The following SLIT3 variants were observed in gnomAD, a reference collection of about 807,000 sequenced individuals.
The protein encoded by SLIT3 is slit homolog 3 protein.
SLIT3 carries 68 observed loss-of-function variants against 184.0 expected under a neutral mutation model. That is an observed-to-expected ratio of 0.37 (90% CI 0.30 to 0.45). The LOEUF (loss-of-function observed/expected upper bound fraction) is 0.45, where lower values mean the gene tolerates loss of function less well. Among genes scored for constraint, SLIT3 ranks in the 20% least tolerant of loss-of-function variants. The pLI, the probability that SLIT3 is intolerant of heterozygous loss-of-function variation, is 1.00. For synonymous variants in SLIT3, 831 were observed against 828.6 expected (o/e 1.00, Z -0.05); for missense variants, 1,707 against 2,026.0 (o/e 0.84, Z 3.02).
chr5:169,033,983 T>G (rs1455435921), intron 4 of SLIT3, among the ~76,000 whole-genome samples: 5 of 152,142 alleles, frequency 3.3e-5, no homozygotes, highest in Admixed American at 6.5e-5. Context: ...CGGCTAATTT[T>G]TTGTATTTTT....
intron 5 of SLIT3, among the ~76,000 whole-genome samples, chr5:168,860,906 C>A (rs1414473359): frequency 1.3e-5 from 2 of 152,158 alleles, no homozygotes; most frequent in African/African-American, 2.4e-5. Flanking sequence ...CCCCTGCGGC[C>A]CTGCATGACA....
At chr5:169,101,907 T>C (rs1760033955) in intron 4 of SLIT3, among the ~76,000 whole-genome samples, 1 of 152,202 alleles carries the variant, frequency 6.6e-6, no homozygotes, top group South Asian at 2.1e-4. Flanking sequence ...TTCAGTGGGC[T>C]TTTTAAACAT....
At chr5:168,723,291 G>T (rs1317623177) in intron 21 of SLIT3, among the ~76,000 whole-genome samples, 1 of 149,704 alleles carries the variant, frequency 6.7e-6, no homozygotes, top group African/African-American at 2.5e-5. Context: ...ATCCCAGGCA[G>T]TCACCTGCCT....
At chr5:169,170,658 G>A (rs866670130) in intron 4 of SLIT3, among the ~76,000 whole-genome samples, 11 of 152,234 alleles carry the variant, frequency 7.2e-5, no homozygotes, top group East Asian at 5.8e-4. Context: ...CCACCAGAGC[G>A]CCCAATTTGG....
chr5:168,944,728 C>A (rs1052468721), intron 4 of SLIT3, among the ~76,000 whole-genome samples: 2 of 152,112 alleles, frequency 1.3e-5, no homozygotes, highest in African/African-American at 4.8e-5. Flanking sequence ...TAAAAGGGTA[C>A]CTTCCACCTC....
intron 4 of SLIT3, among the ~76,000 whole-genome samples, chr5:168,932,622 C>T (rs115480434): frequency 0.042 from 6,363 of 152,242 alleles, 227 homozygotes; most frequent in African/African-American, 0.093. Context: ...GCCTGGTGGG[C>T]AGCCAATGGA....
chr5:169,125,627 A>T (rs1342867318), intron 4 of SLIT3, among the ~76,000 whole-genome samples: 1 of 152,134 alleles, frequency 6.6e-6, no homozygotes, highest in Non-Finnish European at 1.5e-5. Context: ...CATTGTCAGA[A>T]TCCAGTGACA....
In SLIT3 at chr5:169,270,169, G is replaced by A. The variant is rs143644510; in HGVS notation, c.198-18710C>T. On this transcript the variant is annotated intron_variant, in intron 1 of 35. Coordinates refer to ENST00000519560, the MANE Select transcript of SLIT3 (RefSeq NM_003062.4). Reference sequence around the variant, plus strand: ...TTTACTCTTTCCTCAAAAAGCAGCAGTGTCCCCAAGTCATCCAGCACACCT... The same window carrying A: ...TTTACTCTTTCCTCAAAAAGCAGCAATGTCCCCAAGTCATCCAGCACACCT... 2.6e-4 allele frequency among the ~76,000 whole-genome samples: 40 copies of A among 152,296 alleles called. 1 individual carries two copies. The highest frequency in any genetic ancestry group is 5.0e-4 in the Non-Finnish European group (34 of 68,030).
intron 4 of SLIT3, among the ~76,000 whole-genome samples, chr5:168,980,402 C>A (rs1207434797): frequency 6.6e-6 from 1 of 152,116 alleles, no homozygotes; most frequent in Non-Finnish European, 1.5e-5. Context: ...TATCTGAGTC[C>A]CAAAACCGTC....
intron 4 of SLIT3, among the ~76,000 whole-genome samples, chr5:169,002,322 CAAAAA>C (rs397999882): frequency 4.5e-4 from 11 of 24,192 alleles, no homozygotes; most frequent in East Asian, 1.6e-3. Flanking sequence ...GACTCTGTCT[CAAAAA>C]AAAAAAAAAA....
chr5:169,148,719 A>C (rs7718763), intron 4 of SLIT3, among the ~76,000 whole-genome samples: 33 of 152,364 alleles, frequency 2.2e-4, no homozygotes, highest in African/African-American at 7.7e-4. Flanking sequence ...ATTGGTGCTC[A>C]GTATAAAATG....
intron 4 of SLIT3, among the ~76,000 whole-genome samples, chr5:168,914,319 T>TC (rs200468272): frequency 0.01 from 1,532 of 152,266 alleles, 31 homozygotes; most frequent in African/African-American, 0.034. Flanking sequence ...TAGATCATAG[T>TC]CCCAGAGGAA....
intron 3 of SLIT3, among the ~76,000 whole-genome samples, chr5:169,234,433 C>G (rs1378588566): frequency 2.0e-5 from 3 of 152,112 alleles, no homozygotes; most frequent in African/African-American, 4.8e-5. Context: ...TTCTGAGATG[C>G]AGTCTCACTC....
At position 168,855,554 on chromosome 5, in the gene SLIT3, G is replaced by A. The variant is rs1440930685; in HGVS notation, c.486-10899C>T. Reference sequence around the variant, plus strand: ...CATTCAGCTACAAAACAGGAATGAAGTACTGATGTATGCGGCAACATGGAT... The same window carrying A: ...CATTCAGCTACAAAACAGGAATGAAATACTGATGTATGCGGCAACATGGAT... On this transcript the variant is annotated intron_variant, in intron 5 of 35. Coordinates refer to ENST00000519560, the MANE Select transcript of SLIT3 (RefSeq NM_003062.4). Among the ~76,000 whole-genome samples, 4 of 152,230 alleles carry A rather than the reference G, an allele frequency of 2.6e-5. No homozygotes were observed. In the South Asian group the frequency reaches 6.2e-4, roughly 24 times the overall value.
chr5:168,890,158 A>AAAG (rs1561990121), intron 4 of SLIT3, among the ~76,000 whole-genome samples: 1 of 150,048 alleles, frequency 6.7e-6, no homozygotes, highest in African/African-American at 2.4e-5. Flanking sequence ...AAAAAAAAAA[A>AAAG]AGAGAGAGAG....
At chr5:168,985,882 G>A (rs964367235) in intron 4 of SLIT3, among the ~76,000 whole-genome samples, 1 of 152,130 alleles carries the variant, frequency 6.6e-6, no homozygotes, top group Non-Finnish European at 1.5e-5. Context: ...TATGGTGGTT[G>A]TATTTGAACC....
At chr5:169,263,630 G>A (rs753105555) in intron 1 of SLIT3, 5 of 495,024 alleles carry the variant, frequency 1.0e-5, no homozygotes, top group South Asian at 3.0e-5. Flanking sequence ...ATACAGATAC[G>A]CCCAACGTTC....
chr5:169,150,479 G>A (rs1581461904), intron 4 of SLIT3, among the ~76,000 whole-genome samples: 2 of 151,476 alleles, frequency 1.3e-5, no homozygotes, highest in Non-Finnish European at 2.9e-5. Context: ...GACTGGGATC[G>A]AGGAACAATT....
rs752883427 is a variant in SLIT3 at position 168,772,821 on chromosome 5, C to T, written c.1419G>A (p.Lys473=). Residue 473 remains lysine, a synonymous_variant, in exon 14 of 36, where the codon AAG becomes AAA. Coordinates refer to ENST00000519560, the MANE Select transcript of SLIT3 (RefSeq NM_003062.4). ...RCSSPRRLAN[K]RISQIKSKKF... ...TCTTGCTCTTGATCTGGCTGATGCG[C>T]TTGTTGGCGAGTCGGCGCGGGCTGC... 3.7e-6 allele frequency: 6 copies of T among 1,614,138 alleles called. No homozygotes were observed. In the Admixed American group the frequency reaches 8.3e-5, roughly 22 times the overall value.
Sources: allele counts gnomAD v4.1 joint callset (sites outside exome capture counted in the v4.1 genomes callset), GRCh38; gene constraint gnomAD v4.1.1; transcripts MANE v1.5; gene names NCBI Gene and HGNC (gene_info 2026-07-23, HGNC 2026-07-21).